Variants in STK3 observed in about 807,000 individuals in gnomAD.
STK3 encodes serine/threonine kinase 3, also known as serine/threonine-protein kinase 3.
In STK3, 41 loss-of-function variants were observed where a neutral mutation model predicts 58.0. The ratio of observed to expected loss-of-function variants is 0.71; its 90% CI spans 0.55 to 0.92. The LOEUF (loss-of-function observed/expected upper bound fraction) is 0.92. Among genes scored for constraint, STK3 ranks in the 40% least tolerant of loss-of-function variants. STK3 has a pLI of 0.00. For missense variants in STK3, 479 were observed against 602.7 expected, an observed-to-expected ratio of 0.79 and a Z score of 2.15; for synonymous variants, 170 against 191.0, an observed-to-expected ratio of 0.89 and a Z score of 0.91.
At chr8:98,400,236 G>T (rs1270655374), downstream of STK3, among the ~76,000 whole-genome samples, 1 of 152,222 alleles carries the variant, frequency 6.6e-6, no homozygotes, top group Non-Finnish European at 1.5e-5. Context: ...GATGGTTACT[G>T]AAGTCCAAGT....
intron 1 of STK3, among the ~76,000 whole-genome samples, chr8:98,791,780 T>C (rs530395289): frequency 6.6e-6 from 1 of 152,308 alleles, no homozygotes; most frequent in South Asian, 2.1e-4. Flanking sequence ...AGAATGAAAC[T>C]GGATCCTCAT....
intron 1 of STK3, among the ~76,000 whole-genome samples, chr8:98,909,377 C>T (rs1839045975): frequency 6.6e-6 from 1 of 152,136 alleles, no homozygotes; most frequent in Admixed American, 6.5e-5. Flanking sequence ...ACGCAACTCA[C>T]AAACGTAAAG....
intron 1 of STK3, chr8:98,905,482 T>C: frequency 8.2e-7 from 1 of 1,220,796 alleles, no homozygotes; most frequent in Non-Finnish European, 1.2e-6. Context: ...ACGTTGATGT[T>C]CACCCCATGA....
chr8:98,677,884 T>C (rs114304390), intron 6 of STK3, among the ~76,000 whole-genome samples: 283 of 152,326 alleles, frequency 1.9e-3, no homozygotes, highest in African/African-American at 6.6e-3. Context: ...AGGAGTCAGG[T>C]AGTTGGAGAA....
At chr8:98,635,866 C>T (rs555823759) in intron 6 of STK3, among the ~76,000 whole-genome samples, 227 of 152,110 alleles carry the variant, frequency 1.5e-3, no homozygotes, top group Non-Finnish European at 1.6e-3. Flanking sequence ...TGCTGAACCC[C>T]TACTTCAAAC....
intron 8 of STK3, among the ~76,000 whole-genome samples, chr8:98,554,372 T>G (rs1367200756): frequency 6.6e-6 from 1 of 152,172 alleles, no homozygotes; most frequent in African/African-American, 2.4e-5. Context: ...TGAGATTCAA[T>G]GCTGTGACCA....
At chr8:98,587,994 C>A (rs1389162519) in intron 7 of STK3, among the ~76,000 whole-genome samples, 1 of 152,170 alleles carries the variant, frequency 6.6e-6, no homozygotes, top group Non-Finnish European at 1.5e-5. Context: ...ATGTGTGTCT[C>A]TGCACGTGAG....
intron 1 of STK3, among the ~76,000 whole-genome samples, chr8:98,914,179 C>T (rs779835787): frequency 3.3e-5 from 5 of 152,050 alleles, no homozygotes; most frequent in Middle Eastern, 3.4e-3. Context: ...CAGCCAGGTG[C>T]GGTGGCTCAC....
chr8:98,619,388 T>C (rs1403225728), intron 6 of STK3, among the ~76,000 whole-genome samples: 5 of 150,452 alleles, frequency 3.3e-5, no homozygotes, highest in African/African-American at 1.0e-4. Flanking sequence ...GCATTACCAT[T>C]CAGGACATAG....
rs145081330 is a variant in STK3, at chr8:98,540,906, T to C, written c.1141+7063A>G. Among the ~76,000 whole-genome samples, 524 of 152,320 alleles carry C rather than the reference T, an allele frequency of 3.4e-3. 3 individuals are homozygous for C. The highest frequency in any genetic ancestry group is 0.012 in the African/African-American group (486 of 41,552). On this transcript the variant is annotated intron_variant, in intron 9 of 10. Coordinates refer to ENST00000419617, the MANE Select transcript of STK3 (RefSeq NM_006281.4). ...GATTATTTACAGCAGCATTCTAGCATCTAGTCACCAGTTTCACAGGTACTG... is the reference window on the plus strand; with the variant it reads ...GATTATTTACAGCAGCATTCTAGCACCTAGTCACCAGTTTCACAGGTACTG...
chr8:98,465,615 T>C (rs753550461), intron 10 of STK3, among the ~76,000 whole-genome samples: 18 of 152,338 alleles, frequency 1.2e-4, no homozygotes, highest in Admixed American at 9.2e-4. Context: ...GATTTCCTAA[T>C]GTTATCAATA....
At chr8:98,409,615 C>CA (rs1257019685) in intron 3 of STK3, among the ~76,000 whole-genome samples, 1 of 152,248 alleles carries the variant, frequency 6.6e-6, no homozygotes, top group Non-Finnish European at 1.5e-5. Flanking sequence ...CCAGCTACCG[C>CA]ACCTTGCAAT....
chr8:98,858,208 C>A (rs1027817953), intron 3 of STK3, among the ~76,000 whole-genome samples: 1 of 148,352 alleles, frequency 6.7e-6, no homozygotes. Flanking sequence ...ATGACGAAAC[C>A]CAGTGTCTAC....
chr8:98,511,211 T>A (rs557597924), intron 10 of STK3, among the ~76,000 whole-genome samples: 1 of 152,006 alleles, frequency 6.6e-6, no homozygotes, highest in East Asian at 1.9e-4. Flanking sequence ...TTGAGACAAA[T>A]GCTTATTCAT....
At chr8:98,860,693 A>T (rs1203833049) in intron 3 of STK3, among the ~76,000 whole-genome samples, 1 of 152,184 alleles carries the variant, frequency 6.6e-6, no homozygotes, top group Admixed American at 6.5e-5. Flanking sequence ...TTCAGAAAGA[A>T]CTAGGAGCAT....
chr8:98,751,536 G>C (rs1382505880), intron 3 of STK3, among the ~76,000 whole-genome samples: 3 of 152,064 alleles, frequency 2.0e-5, no homozygotes, highest in Non-Finnish European at 2.9e-5. Flanking sequence ...TACATAGGAA[G>C]ACAGCAAACT....
At chr8:98,736,572 T>C (rs1828614210) in intron 4 of STK3, among the ~76,000 whole-genome samples, 1 of 152,208 alleles carries the variant, frequency 6.6e-6, no homozygotes, top group South Asian at 2.1e-4. Flanking sequence ...CTCTTTCCTG[T>C]GCCTTTTATT....
chr8:98,919,449 T>G (rs1297332548), intron 1 of STK3, among the ~76,000 whole-genome samples: 1 of 151,302 alleles, frequency 6.6e-6, no homozygotes, highest in African/African-American at 2.4e-5. Context: ...TAACAATAAA[T>G]CTGAGGTTTA....
At chr8:98,598,408 A>G in intron 6 of STK3, 1 of 985,382 alleles carries the variant, frequency 1.0e-6, no homozygotes, top group Non-Finnish European at 1.2e-6. Flanking sequence ...ATGAACACCG[A>G]GCATACAGTC....
Sources: allele counts gnomAD v4.1 joint callset (sites outside exome capture counted in the v4.1 genomes callset), GRCh38; gene constraint gnomAD v4.1.1; transcripts MANE v1.5; gene names NCBI Gene and HGNC (gene_info 2026-07-23, HGNC 2026-07-21).